ASTN2: variants seen among roughly 807,000 people sequenced by gnomAD.
The protein encoded by ASTN2 is astrotactin-2.
A neutral mutation model predicts 139.8 loss-of-function variants in ASTN2; 54 were observed. The observed-to-expected ratio is 0.39, with a 90% CI of 0.31 to 0.48. The LOEUF (loss-of-function observed/expected upper bound fraction) is 0.48. Ranked by LOEUF, ASTN2 falls within the 20% of genes least tolerant of loss-of-function variation. The pLI, the probability that ASTN2 is intolerant of heterozygous loss-of-function variation, is 0.95. For missense variants in ASTN2, 1,565 were observed against 1,725.1 expected, an observed-to-expected ratio of 0.91 and a Z score of 1.64; for synonymous variants, 756 against 719.5, an observed-to-expected ratio of 1.05 and a Z score of -0.81.
chr9:117,129,333 T>A (rs1829776065), intron 4 of ASTN2, among the ~76,000 whole-genome samples: 1 of 152,054 alleles, frequency 6.6e-6, no homozygotes, highest in African/African-American at 2.4e-5. Context: ...CTTCTCCCTA[T>A]CTCCACCCCT....
intron 10 of ASTN2, among the ~76,000 whole-genome samples, chr9:116,947,507 T>C (rs1467068436): frequency 6.6e-6 from 1 of 152,174 alleles, no homozygotes; most frequent in Middle Eastern, 3.2e-3. Flanking sequence ...TACTCCCTCC[T>C]AAAAGCAAGG....
intron 3 of ASTN2, among the ~76,000 whole-genome samples, chr9:117,213,064 A>G (rs1832192238): frequency 6.6e-6 from 1 of 152,240 alleles, no homozygotes; most frequent in Non-Finnish European, 1.5e-5. Flanking sequence ...TAGATAAAGA[A>G]AAGGTGGTAT....
intron 12 of ASTN2, among the ~76,000 whole-genome samples, chr9:116,806,362 G>T (rs1481747697): frequency 6.6e-6 from 1 of 152,180 alleles, no homozygotes; most frequent in African/African-American, 2.4e-5. Context: ...TTTGAGACAG[G>T]GGTGGCCTCA....
chr9:117,374,503 T>A (rs1330160201), intron 1 of ASTN2, among the ~76,000 whole-genome samples: 1 of 152,110 alleles, frequency 6.6e-6, no homozygotes, highest in Non-Finnish European at 1.5e-5. Flanking sequence ...CAAAAATGTT[T>A]CTCACAAAAT....
intron 11 of ASTN2, among the ~76,000 whole-genome samples, chr9:116,849,118 G>A (rs1437277662): frequency 6.6e-6 from 1 of 152,184 alleles, no homozygotes; most frequent in Non-Finnish European, 1.5e-5. Context: ...TGTGGGAAGA[G>A]GCACGGAGTT....
rs1426782630 is a variant in ASTN2 at position 117,007,961 on chromosome 9, T to C, written c.1591+131A>G. The C allele has an allele frequency of 9.0e-6, 9 of 997,184 alleles. No homozygotes were observed. The South Asian group carries it at 2.0e-4, about 22-fold the overall frequency. The allele number at this position is 997,184 out of a possible 1,614,324, so 61.8% of individuals were successfully genotyped here. ...AGCACATACATTAGTGTTTATTAGA[T>C]TGATGGGCCTTCTTATTCAGCCACT... is the stretch of plus-strand genomic sequence containing the variant. On this transcript the variant is annotated intron_variant, in intron 7 of 22. Transcript: ENST00000313400.
At chr9:117,413,565 C>T (rs931305139) in intron 1 of ASTN2, among the ~76,000 whole-genome samples, 2 of 152,184 alleles carry the variant, frequency 1.3e-5, no homozygotes, top group Non-Finnish European at 1.5e-5. Context: ...ATCAATTACC[C>T]GGGTGGGAAA....
intron 10 of ASTN2, among the ~76,000 whole-genome samples, chr9:116,898,870 C>T (rs371277884): frequency 6.6e-6 from 1 of 152,078 alleles, no homozygotes. Flanking sequence ...ATGGGTCTCA[C>T]TATATCGCCC....
chr9:117,183,905 A>C (rs577454116), intron 3 of ASTN2, among the ~76,000 whole-genome samples: 38 of 152,158 alleles, frequency 2.5e-4, no homozygotes, highest in Middle Eastern at 3.2e-3. Flanking sequence ...TGGGTGGAGC[A>C]AACCTCATTT....
At chr9:116,542,993 G>GA (rs57022051) in intron 19 of ASTN2, among the ~76,000 whole-genome samples, 1 of 147,918 alleles carries the variant, frequency 6.8e-6, no homozygotes, top group Non-Finnish European at 1.5e-5. Flanking sequence ...TCATCCAGCT[G>GA]AAAAAAAAAT....
chr9:116,494,583 G>T (rs1849614794), intron 19 of ASTN2, among the ~76,000 whole-genome samples: 1 of 152,066 alleles, frequency 6.6e-6, no homozygotes, highest in Admixed American at 6.6e-5. Context: ...CAAAAAGAGG[G>T]AAATAAAAAT....
intron 1 of ASTN2, among the ~76,000 whole-genome samples, chr9:117,342,721 T>C (rs890387224): frequency 2.0e-5 from 3 of 152,194 alleles, no homozygotes; most frequent in African/African-American, 7.2e-5. Flanking sequence ...AACAGAATTG[T>C]TTCTTCCAAC....
At chr9:117,153,640 G>T (rs748491676) in intron 3 of ASTN2, among the ~76,000 whole-genome samples, 7 of 152,060 alleles carry the variant, frequency 4.6e-5, no homozygotes, top group Non-Finnish European at 8.8e-5. Context: ...TTTTGCAGTG[G>T]GAACAATAAA....
intron 10 of ASTN2, among the ~76,000 whole-genome samples, chr9:116,928,249 A>C (rs1834811970): frequency 6.6e-6 from 1 of 152,224 alleles, no homozygotes; most frequent in Non-Finnish European, 1.5e-5. Context: ...ACTGAGGCAC[A>C]GAGAAGGGAC....
intron 3 of ASTN2, among the ~76,000 whole-genome samples, chr9:117,206,211 T>C (rs1407762199): frequency 6.6e-6 from 1 of 152,062 alleles, no homozygotes; most frequent in Non-Finnish European, 1.5e-5. Context: ...TGACAGGAAG[T>C]CCATGAGGGC....
intron 16 of ASTN2, among the ~76,000 whole-genome samples, chr9:116,696,284 G>A (rs1413624121): frequency 6.6e-6 from 1 of 152,090 alleles, no homozygotes; most frequent in East Asian, 1.9e-4. Flanking sequence ...TAATAAAAAA[G>A]AGAACTAAAA....
chr9:116,889,403 C>T (rs1833700735), intron 10 of ASTN2, among the ~76,000 whole-genome samples: 1 of 152,270 alleles, frequency 6.6e-6, no homozygotes, highest in African/African-American at 2.4e-5. Flanking sequence ...CTCCCTTCAA[C>T]ACAGGCACAG....
chr9:116,824,030 A>G (rs1831557531), intron 11 of ASTN2, among the ~76,000 whole-genome samples: 1 of 152,244 alleles, frequency 6.6e-6, no homozygotes, highest in Admixed American at 6.5e-5. Context: ...CATCTGGCAC[A>G]CAGTTGGTAC....
chr9:116,862,071 C>T (rs187292620), intron 11 of ASTN2, among the ~76,000 whole-genome samples: 1 of 150,584 alleles, frequency 6.6e-6, no homozygotes, highest in Non-Finnish European at 1.5e-5. Flanking sequence ...TGCCCATTCA[C>T]ATCTGAAGAG....
Sources: allele counts gnomAD v4.1 joint callset (sites outside exome capture counted in the v4.1 genomes callset), GRCh38; gene constraint gnomAD v4.1.1; transcripts MANE v1.5; gene names NCBI Gene and HGNC (gene_info 2026-07-23, HGNC 2026-07-21).